The following FRY variants were observed in gnomAD, a reference collection of about 807,000 sequenced individuals.
The protein encoded by FRY is FRY microtubule binding protein, also known as protein furry homolog.
In FRY, 128 loss-of-function variants were observed where a neutral mutation model predicts 348.4. The ratio of observed to expected loss-of-function variants is 0.37; its 90% CI spans 0.32 to 0.43. The LOEUF is 0.43. Ranked by LOEUF, FRY falls within the 20% of genes least tolerant of loss-of-function variation. The pLI is 1.00. For synonymous variants in FRY, 1,370 were observed against 1,374.7 expected, an observed-to-expected ratio of 1.00 and a Z score of 0.08; for missense variants, 2,736 against 3,695.2, an observed-to-expected ratio of 0.74 and a Z score of 6.73.
At chr13:32,280,025 T>C (rs1004604632) in intron 58 of FRY, among the ~76,000 whole-genome samples, 4 of 152,180 alleles carry the variant, frequency 2.6e-5, no homozygotes, top group Non-Finnish European at 4.4e-5. Context: ...AAGACGCACA[T>C]TTATATCTCA....
At position 32,231,192 on chromosome 13, in the gene FRY, C is replaced by T; in HGVS notation, c.5419C>T (p.Leu1807Phe). The part of the protein sequence containing the change: ...EFLTTRAFGP[L>F]WCHEDITPKN... ...GTTTTGTTTAAGGGCATTTGGTCCACTTTGGTGCCATGAAGACATCACACC... is the reference window on the plus strand; with the variant it reads ...GTTTTGTTTAAGGGCATTTGGTCCATTTTGGTGCCATGAAGACATCACACC... The change falls in exon 41 of 61, where the codon CTT (leucine) becomes TTT (phenylalanine). Residue 1807 changes from leucine (L) to phenylalanine (F), a missense_variant. Physicochemically the swap from Leu to Phe is conservative, Grantham distance 22. Around this residue, in one of 9 missense-constraint regions of FRY, gnomAD observed 794 missense variants for 977.0 expected, o/e 0.81. Transcript: ENST00000542859. 1.2e-6 allele frequency: 2 copies of T among 1,613,530 alleles called. No individual in the cohort carries two copies. Among genetic ancestry groups the T allele is most frequent in the Non-Finnish European group, 1.7e-6 (2 of 1,179,462 alleles).
intron 8 of FRY, 58 bp from the exon 9 acceptor site, chr13:32,134,846 A>C (rs1259305745): frequency 9.8e-7 from 1 of 1,015,414 alleles, no homozygotes; most frequent in Non-Finnish European, 1.6e-6. Flanking sequence ...GTTTAAATAC[A>C]TTCTATGTGT....
rs750171363 is a variant in FRY, at chr13:32,202,516, C to A, written c.4007C>A (p.Pro1336His). ...LARMYPELTL[P>H]LFSEVSQRFP... ...AGGATGTACCCTGAGCTCACACTCC[C>A]CCTCTTCTCAGGTACCAGGCAATAG... Residue 1336 changes from proline to histidine, a missense_variant, in exon 31 of 61, where the codon CCC (proline) becomes CAC (histidine). Pro to His is a moderately conservative substitution (Grantham distance 77). Around this residue, in one of 9 missense-constraint regions of FRY, gnomAD observed 794 missense variants for 977.0 expected, o/e 0.81. Transcript: ENST00000542859. 1 of 1,613,112 alleles carries A rather than the reference C, an allele frequency of 6.2e-7. No homozygotes were observed. The highest frequency in any genetic ancestry group is 2.2e-5 in the East Asian group (1 of 44,880).
chr13:32,124,746 T>G, intron 6 of FRY, 49 bp from the exon 7 acceptor site: 1 of 1,544,764 alleles, frequency 6.5e-7, no homozygotes, highest in Non-Finnish European at 9.0e-7. Flanking sequence ...TGGTTTGCTT[T>G]TTTCCGATGA....
In FRY at chr13:32,061,251, G is replaced by A. The variant is rs139705147; in HGVS notation, c.71-17583G>A. On this transcript the variant is annotated intron_variant, in intron 1 of 60. Transcript: ENST00000542859. ...GGAGGACTCTTCTAAAGGTTTCAGC[G>A]GATGGGGGTGGAGGTAGCAGTTGCA... 465 of 485,258 alleles carry A rather than the reference G, an allele frequency of 9.6e-4. 4 individuals are homozygous for A. The highest frequency in any genetic ancestry group is 7.8e-3 in the African/African-American group (398 of 51,130). 30.1% of individuals were successfully genotyped at this position (485,258 alleles called of 1,614,324 possible).
intron 47 of FRY, among the ~76,000 whole-genome samples, chr13:32,247,062 A>G (rs1226231913): frequency 2.0e-5 from 3 of 152,146 alleles, no homozygotes; most frequent in Non-Finnish European, 4.4e-5. Context: ...CCTCATTACC[A>G]TAATGGTACC....
chr13:32,241,765 G>C lies in FRY; in HGVS notation c.6687+1884G>C, dbSNP rs151338142. 4.5e-3 allele frequency among the ~76,000 whole-genome samples: 689 copies of C among 152,162 alleles called. 4 individuals carry two copies. Among genetic ancestry groups the C allele is most frequent in the African/African-American group, 0.016 (663 of 41,500 alleles). Reference sequence around the variant, plus strand: ...TAAAAAGGTAAATTTTATGTTATGTGTTTTTTACTACCCATAAAAAAATTG... The same window carrying C: ...TAAAAAGGTAAATTTTATGTTATGTCTTTTTTACTACCCATAAAAAAATTG... On this transcript the variant is annotated intron_variant, in intron 46 of 60. Transcript: ENST00000542859.
intron 49 of FRY, among the ~76,000 whole-genome samples, chr13:32,251,228 T>C (rs2138508719): frequency 6.6e-6 from 1 of 152,324 alleles, no homozygotes; most frequent in East Asian, 1.9e-4. Context: ...TGTAATGGTT[T>C]ATAGAAGAAT....
rs1478727002 is a variant in FRY, at chr13:32,052,635, A to G, written c.70+20770A>G. 2.0e-5 allele frequency among the ~76,000 whole-genome samples: 3 copies of G among 152,308 alleles called. No individual in the cohort carries two copies. In the East Asian group the frequency reaches 5.8e-4, roughly 29 times the overall value. On this transcript the variant is annotated intron_variant, in intron 1 of 60. Transcript: ENST00000542859. ...TCAGTGTGTGTTTTACACCATCAAC[A>G]TATTTAAATTTGAATACCAAATTTA...
intron 51 of FRY, among the ~76,000 whole-genome samples, chr13:32,258,609 T>C (rs1400560490): frequency 1.6e-5 from 1 of 64,378 alleles, no homozygotes; most frequent in Non-Finnish European, 5.0e-5. Flanking sequence ...CAAGACTCTG[T>C]CTCAAAAAAA....
At chr13:32,187,417 G>A in intron 27 of FRY, 129 bp from the exon 28 acceptor site, 2 of 679,154 alleles carry the variant, frequency 2.9e-6, no homozygotes, top group East Asian at 5.5e-5. Flanking sequence ...TAAAAATCAT[G>A]GGGAAATAAG....
rs555229875 is a variant in FRY at position 32,174,000 on chromosome 13, C to T, written c.2334+451C>T. 6.6e-5 allele frequency among the ~76,000 whole-genome samples: 10 copies of T among 152,280 alleles called. No individual in the cohort carries two copies. In the South Asian group the frequency reaches 1.7e-3, roughly 25 times the overall value. On this transcript the variant is annotated intron_variant, in intron 19 of 60. Transcript: ENST00000542859. ...GTAGAAAATGGCATCACAAAAAACA[C>T]GTCCTCTTGAAATGGGAGAAGGAAG... is the stretch of plus-strand genomic sequence containing the variant.
chr13:32,152,988 A>G (rs954113620), intron 14 of FRY, among the ~76,000 whole-genome samples: 9 of 152,188 alleles, frequency 5.9e-5, no homozygotes, highest in African/African-American at 9.6e-5. Flanking sequence ...ATGGCTAATA[A>G]TCTCATGAAA....
chr13:32,140,596 GA>G lies in FRY; in HGVS notation c.1179+3633del, dbSNP rs566138116. Among the ~76,000 whole-genome samples, 67 of 148,628 alleles carry G rather than the reference GA, an allele frequency of 4.5e-4. 1 individual carries two copies. The South Asian group carries it at 0.012, about 27-fold the overall frequency. ...AAGCAAATAAATAAATACATGAGAAGAAAAAAAAACAGATAATGATAACTAC... is the reference window on the plus strand; with the variant it reads ...AAGCAAATAAATAAATACATGAGAAGAAAAAAAACAGATAATGATAACTAC... On this transcript the variant is annotated intron_variant, in intron 11 of 60. Transcript: ENST00000542859.
At chr13:32,153,977 C>T (rs117139285) in intron 14 of FRY, among the ~76,000 whole-genome samples, 1,542 of 152,214 alleles carry the variant, frequency 0.01, 9 homozygotes, top group Non-Finnish European at 0.016. Flanking sequence ...ACCAAACTAT[C>T]CCATCTTATT....
chr13:32,254,884 A>G (rs1358578361), intron 51 of FRY, among the ~76,000 whole-genome samples: 1 of 152,216 alleles, frequency 6.6e-6, no homozygotes, highest in African/African-American at 2.4e-5. Context: ...AGAACTGGAA[A>G]CAAAATGCAA....
At chr13:32,184,527 A>T in intron 24 of FRY, 73 bp from the exon 25 acceptor site, 1 of 893,178 alleles carries the variant, frequency 1.1e-6, no homozygotes, top group Non-Finnish European at 1.9e-6. Flanking sequence ...GCCTTTTGTT[A>T]ATACCATTTT....
intron 1 of FRY, among the ~76,000 whole-genome samples, chr13:32,067,730 C>G (rs764743584): frequency 1.3e-5 from 2 of 152,046 alleles, no homozygotes; most frequent in Non-Finnish European, 2.9e-5. Context: ...ACGCTGAAGC[C>G]CAGTTGGTCC....
intron 41 of FRY, 61 bp downstream of exon 41, chr13:32,231,361 C>G: frequency 6.5e-7 from 1 of 1,547,456 alleles, no homozygotes; most frequent in Middle Eastern, 1.7e-4. Flanking sequence ...GACACTGTCT[C>G]TATATGATGA....
Sources: gnomAD v4.1 joint callset for allele counts (sites outside exome capture counted in the v4.1 genomes callset) on GRCh38, gnomAD v4.1.1 for gene constraint, gnomAD v4.1.1 regional missense constraint, MANE v1.5 for transcripts, NCBI Gene and HGNC (gene_info 2026-07-23, HGNC 2026-07-21) for gene names.